The following EHMT1 variants were observed in gnomAD, a reference collection of about 807,000 sequenced individuals.
EHMT1 encodes histone-lysine N-methyltransferase EHMT1.
Under a neutral mutation model 147.2 loss-of-function variants are expected in EHMT1, and 15 were observed. The ratio of observed to expected loss-of-function variants is 0.10; its 90% CI spans 0.07 to 0.16. The LOEUF is 0.16. Ranked by LOEUF, EHMT1 falls within the 10% of genes least tolerant of loss-of-function variation. EHMT1 has a pLI of 1.00. For missense variants in EHMT1, 1,587 were observed against 1,772.4 expected, an observed-to-expected ratio of 0.90 and a Z score of 1.88; for synonymous variants, 795 against 709.6, an observed-to-expected ratio of 1.12 and a Z score of -1.91.
At chr9:137,743,789 G>A (rs755582910) in intron 5 of EHMT1, 113 bp from the exon 6 acceptor site, 564 of 1,335,762 alleles carry the variant, frequency 4.2e-4, no homozygotes, top group Admixed American at 7.4e-4. Context: ...GTGTGTCCCC[G>A]CCTCCCCACA....
intron 25 of EHMT1, among the ~76,000 whole-genome samples, chr9:137,827,674 C>A (rs1955902909): frequency 6.6e-6 from 1 of 152,220 alleles, no homozygotes; most frequent in Non-Finnish European, 1.5e-5. Flanking sequence ...GACTGCCCCC[C>A]TCCACTGCTG....
intron 1 of EHMT1, among the ~76,000 whole-genome samples, chr9:137,663,426 C>T (rs559363236): frequency 1.3e-5 from 2 of 152,144 alleles, no homozygotes; most frequent in South Asian, 4.1e-4. Context: ...GCAGTGGTAG[C>T]AGCGTCCTGT....
At chr9:137,816,680 G>T (rs1251063788) in intron 23 of EHMT1, 1 of 167,202 alleles carries the variant, frequency 6.0e-6, no homozygotes, top group East Asian at 1.6e-4. Flanking sequence ...GAGTCATAAG[G>T]GAAAGTTATG....
At chr9:137,657,356 G>A (rs1938570828) in intron 1 of EHMT1, among the ~76,000 whole-genome samples, 2 of 152,134 alleles carry the variant, frequency 1.3e-5, no homozygotes, top group African/African-American at 4.8e-5. Flanking sequence ...CTTTCTCGTG[G>A]CAGTGTTGAG....
intron 18 of EHMT1, among the ~76,000 whole-genome samples, chr9:137,806,803 TG>T (rs1953986748): frequency 1.3e-5 from 2 of 152,270 alleles, no homozygotes. Context: ...CTTAGAATTC[TG>T]GATGCGTAGT....
chr9:137,696,449 T>C lies in EHMT1; in HGVS notation c.22-14518T>C, dbSNP rs563291943. Among the ~76,000 whole-genome samples the C allele has an allele frequency of 4.6e-5, 7 of 152,356 alleles. No individual in the cohort carries two copies. In the South Asian group the frequency reaches 1.4e-3, roughly 32 times the overall value. The stretch of plus-strand genomic sequence containing the variant: ...GAAGGGAGCAAATGGCAGATTGGAA[T>C]GTGACATTTTTCTTATTTTGACTAG... On this transcript the variant is annotated intron_variant, in intron 1 of 26. Coordinates refer to ENST00000460843, the MANE Select transcript of EHMT1 (RefSeq NM_024757.5).
Position 137,716,685 on chromosome 9 carries a change from G to A in EHMT1, c.145G>A (p.Ala49Thr), listed in dbSNP as rs1372403007. 1 of 1,605,540 alleles carries A rather than the reference G, an allele frequency of 6.2e-7. No individual in the cohort carries two copies. The highest frequency in any genetic ancestry group is 1.1e-5 in the South Asian group (1 of 90,914). The change falls in exon 3 of 27, where the codon GCT becomes ACT. Residue 49 changes from alanine to threonine, a missense_variant. Coordinates refer to ENST00000460843, the MANE Select transcript of EHMT1 (RefSeq NM_024757.5). The stretch of plus-strand genomic sequence containing the variant: ...GAAACAGGCAGGAGAGGCCCACATG[G>A]CTGCGGACGGTGAGACCAATGGGTC... The part of the protein sequence containing the change: ...AEKQAGEAHM[A>T]ADGETNGSCE...
chr9:137,736,323 AG>A (rs1219131461), intron 4 of EHMT1, among the ~76,000 whole-genome samples: 1 of 152,260 alleles, frequency 6.6e-6, no homozygotes, highest in Admixed American at 6.5e-5. Context: ...TCAAGATACA[AG>A]AAGTAAAACT....
Position 137,834,228 on chromosome 9 carries a change from C to T in EHMT1, c.3541-121C>T, listed in dbSNP as rs908190302. 6.0e-6 allele frequency: 8 copies of T among 1,331,634 alleles called. No individual in the cohort carries two copies. The Admixed American group carries it at 6.1e-5, about 10-fold the overall frequency. 82.5% of individuals were successfully genotyped at this position (1,331,634 alleles called of 1,614,324 possible). A position where few individuals can be genotyped will look rare whatever the true frequency, so the allele number is the denominator to read the frequency against. On this transcript the variant is annotated intron_variant, in intron 25 of 26. Transcript: ENST00000460843. Reference sequence around the variant, plus strand: ...CCACAGGTCACTGGAGAAGGCCCCTCCTGCATGGCGGGCCTGCGCCCAACT... The same window carrying T: ...CCACAGGTCACTGGAGAAGGCCCCTTCTGCATGGCGGGCCTGCGCCCAACT...
intron 1 of EHMT1, among the ~76,000 whole-genome samples, chr9:137,648,475 A>G (rs1845065110): frequency 7.0e-6 from 1 of 141,976 alleles, no homozygotes; most frequent in South Asian, 2.2e-4. Context: ...GGCAACATAG[A>G]GAGACTCCTT....
At chr9:137,695,673 G>A (rs1299503660) in intron 1 of EHMT1, among the ~76,000 whole-genome samples, 1 of 152,208 alleles carries the variant, frequency 6.6e-6, no homozygotes, top group Admixed American at 6.5e-5. Context: ...ACCCATGTGT[G>A]GCCTCCCGGG....
chr9:137,753,442 T>C (rs1323172164), intron 7 of EHMT1, among the ~76,000 whole-genome samples: 1 of 152,202 alleles, frequency 6.6e-6, no homozygotes, highest in Admixed American at 6.5e-5. Flanking sequence ...GAGCCGGGGC[T>C]GTGTGTGCTG....
chr9:137,674,581 A>G (rs1057275241), intron 1 of EHMT1, among the ~76,000 whole-genome samples: 4 of 152,182 alleles, frequency 2.6e-5, no homozygotes, highest in Non-Finnish European at 5.9e-5. Context: ...CAGTCTGCCT[A>G]CGATTGCACG....
At position 137,728,442 on chromosome 9, in the gene EHMT1, C is replaced by A. The variant is rs1474604202; in HGVS notation, c.736C>A (p.Arg246=). 1 of 1,614,044 alleles carries A rather than the reference C, an allele frequency of 6.2e-7. No homozygotes were observed. The highest frequency in any genetic ancestry group is 8.5e-7 in the Non-Finnish European group (1 of 1,180,036). The stretch of plus-strand genomic sequence containing the variant: ...CAACAAAAACATTTCTGACTTTGGA[C>A]GACAGCAGCTTTTACCCCCCTTCCC... ...EINKNISDFG[R]QQLLPPFPSL... is the part of the protein sequence containing the mutation. Residue 246 remains arginine (R), a synonymous_variant, in exon 4 of 27, where the codon CGA becomes AGA. Transcript: ENST00000460843.
intron 2 of EHMT1, among the ~76,000 whole-genome samples, chr9:137,711,678 C>T (rs951644262): frequency 2.0e-5 from 3 of 152,042 alleles, no homozygotes; most frequent in South Asian, 2.1e-4. Flanking sequence ...CTCTGTAAGG[C>T]GTGGCGCACA....
intron 22 of EHMT1, 154 bp downstream of exon 22, chr9:137,814,662 C>T (rs1022322564): frequency 1.4e-5 from 11 of 811,264 alleles, no homozygotes; most frequent in East Asian, 5.3e-5. Flanking sequence ...GGAGGCACAG[C>T]GGGCACCAGC....
intron 1 of EHMT1, among the ~76,000 whole-genome samples, chr9:137,661,691 G>A (rs1939102183): frequency 6.6e-6 from 1 of 151,854 alleles, no homozygotes; most frequent in Non-Finnish European, 1.5e-5. Context: ...TCACCATATT[G>A]GCCAGGCCGG....
intron 1 of EHMT1, among the ~76,000 whole-genome samples, chr9:137,700,337 C>T (rs1016225776): frequency 6.6e-6 from 1 of 152,198 alleles, no homozygotes; most frequent in Non-Finnish European, 1.5e-5. Flanking sequence ...ACTTCACTAT[C>T]TGGGGAACTT....
At chr9:137,650,664 C>T (rs1407522044) in intron 1 of EHMT1, among the ~76,000 whole-genome samples, 2 of 148,174 alleles carry the variant, frequency 1.3e-5, no homozygotes, top group Non-Finnish European at 3.0e-5. Context: ...TAGGACCCCC[C>T]GCTTTTTTTT....
Sources: gnomAD v4.1 joint callset for allele counts (sites outside exome capture counted in the v4.1 genomes callset) on GRCh38, gnomAD v4.1.1 for gene constraint, MANE v1.5 for transcripts, NCBI Gene and HGNC (gene_info 2026-07-23, HGNC 2026-07-21) for gene names.